The following IL10RB variants were observed in gnomAD, a reference collection of about 807,000 sequenced individuals.
IL10RB encodes the protein interleukin-10 receptor subunit beta.
Under a neutral mutation model 38.7 loss-of-function variants are expected in IL10RB, and 30 were observed. The observed-to-expected ratio is 0.78, with a 90% CI of 0.58 to 1.05. The LOEUF is 1.05. IL10RB is among the 50% of genes least tolerant of loss of function. The pLI, the probability that IL10RB is intolerant of heterozygous loss-of-function variation, is 0.00. For synonymous variants in IL10RB, 142 were observed against 145.9 expected, an observed-to-expected ratio of 0.97 and a Z score of 0.19; for missense variants, 328 against 397.1, an observed-to-expected ratio of 0.83 and a Z score of 1.48.
chr21:33,303,598 G>A (rs1465617817), intron 1 of IL10RB, among the ~76,000 whole-genome samples: 6 of 152,006 alleles, frequency 3.9e-5, no homozygotes, highest in East Asian at 1.9e-4. Context: ...CAAGTGATCC[G>A]GCCACCTTGG....
intron 1 of IL10RB, among the ~76,000 whole-genome samples, chr21:33,303,469 C>G (rs1416779725): frequency 6.6e-6 from 1 of 151,514 alleles, no homozygotes; most frequent in Non-Finnish European, 1.5e-5. Flanking sequence ...ATTCTCCTGC[C>G]TCAACCTCCC....
chr21:33,293,493 T>C (rs1989529305), intron 6 of IL10RB, among the ~76,000 whole-genome samples: 1 of 152,110 alleles, frequency 6.6e-6, no homozygotes, highest in South Asian at 2.1e-4. Context: ...CACAGGACCA[T>C]AGGCAAGTGT....
downstream of IL10RB, among the ~76,000 whole-genome samples, chr21:33,302,041 T>C (rs1470916261): frequency 6.6e-6 from 1 of 152,234 alleles, no homozygotes; most frequent in African/African-American, 2.4e-5. Flanking sequence ...ATTGTAATTC[T>C]CATCTTGCCA....
In IL10RB at chr21:33,289,275, CT is replaced by C. The variant is rs1243753198; in HGVS notation, c.804+1015del. Among the ~76,000 whole-genome samples the C allele has an allele frequency of 3.9e-5, 6 of 152,226 alleles. No individual in the cohort carries two copies. The East Asian group carries it at 1.2e-3, about 29-fold the overall frequency. ...ACCACAGCCTCCATTACAGTCACCC[CT>C]GGGACCACTTGGATCTACTGGAAGC... On this transcript the variant is annotated intron_variant, in intron 6 of 6. Coordinates refer to ENST00000290200, the MANE Select transcript of IL10RB (RefSeq NM_000628.5).
downstream of IL10RB, among the ~76,000 whole-genome samples, chr21:33,297,541 G>A (rs1288143803): frequency 6.6e-6 from 1 of 152,206 alleles, no homozygotes; most frequent in Non-Finnish European, 1.5e-5. Context: ...GGAGTCTCCA[G>A]GTACAATGGC....
chr21:33,268,238 A>C (rs1016833263), intron 1 of IL10RB, 156 bp from the exon 2 acceptor site: 1 of 1,535,624 alleles, frequency 6.5e-7, no homozygotes, highest in South Asian at 1.2e-5. Flanking sequence ...GAAAATCTAG[A>C]CTCCTCAGCA....
intron 4 of IL10RB, among the ~76,000 whole-genome samples, 167 bp from the exon 5 acceptor site, chr21:33,282,927 T>C (rs1329417754): frequency 6.6e-6 from 1 of 152,132 alleles, no homozygotes; most frequent in Non-Finnish European, 1.5e-5. Flanking sequence ...CAGTCCTTGA[T>C]GCACCCCCTG....
chr21:33,280,804 T>C (rs1383438819), intron 4 of IL10RB, among the ~76,000 whole-genome samples: 1 of 152,224 alleles, frequency 6.6e-6, no homozygotes. Flanking sequence ...GGATCACCCA[T>C]GTTTATTATC....
intron 2 of IL10RB, among the ~76,000 whole-genome samples, chr21:33,269,479 G>A (rs1166465686): frequency 1.3e-5 from 2 of 152,172 alleles, no homozygotes. Flanking sequence ...AAATCCCCAA[G>A]GCCTGCTACA....
chr21:33,297,832 A>C (rs2082974178), downstream of IL10RB, among the ~76,000 whole-genome samples: 1 of 148,714 alleles, frequency 6.7e-6, no homozygotes, highest in South Asian at 2.1e-4. Context: ...AAAGAAAGAA[A>C]GAAAGGAAAG....
intron 5 of IL10RB, among the ~76,000 whole-genome samples, chr21:33,285,066 T>C (rs1364821779): frequency 1.3e-5 from 2 of 152,072 alleles, no homozygotes; most frequent in African/African-American, 4.8e-5. Flanking sequence ...ATTTTTTTAT[T>C]TTTAGTAGAG....
At chr21:33,278,451 T>A (rs1355390293) in intron 3 of IL10RB, among the ~76,000 whole-genome samples, 2 of 152,238 alleles carry the variant, frequency 1.3e-5, no homozygotes, top group African/African-American at 4.8e-5. Context: ...AAAGGAAAGA[T>A]GAACAGAAAA....
chr21:33,301,259 C>T (rs1441038929), downstream of IL10RB, among the ~76,000 whole-genome samples: 2 of 152,128 alleles, frequency 1.3e-5, no homozygotes, highest in Non-Finnish European at 2.9e-5. Flanking sequence ...GATTTTTCTC[C>T]CTGAGTCAGG....
intron 6 of IL10RB, among the ~76,000 whole-genome samples, chr21:33,292,592 G>A (rs947028971): frequency 4.6e-5 from 7 of 152,092 alleles, no homozygotes; most frequent in Non-Finnish European, 8.8e-5. Context: ...ATCACCTCGC[G>A]TCCCTCGTCA....
chr21:33,273,559 T>A (rs1989118422), intron 2 of IL10RB, among the ~76,000 whole-genome samples: 2 of 152,330 alleles, frequency 1.3e-5, no homozygotes, highest in African/African-American at 4.8e-5. Flanking sequence ...GCAGTGACTG[T>A]GACAATTTCT....
chr21:33,293,918 G>A, intron 6 of IL10RB: 2 of 461,424 alleles, frequency 4.3e-6, no homozygotes, highest in African/African-American at 2.0e-5. Flanking sequence ...ATGAGGGTGG[G>A]CCCTTTGCTT....
At chr21:33,267,174 T>A (rs1988970407) in intron 1 of IL10RB, among the ~76,000 whole-genome samples, 1 of 152,064 alleles carries the variant, frequency 6.6e-6, no homozygotes, top group South Asian at 2.1e-4. Context: ...CATGAACTCT[T>A]CCCTGGCCTT....
At chr21:33,283,620 G>A (rs766315460) in intron 5 of IL10RB, among the ~76,000 whole-genome samples, 5 of 152,236 alleles carry the variant, frequency 3.3e-5, no homozygotes, top group South Asian at 2.1e-4. Flanking sequence ...CTCCCCAGGC[G>A]GCACATCTCC....
At chr21:33,285,823 A>C (rs553541260) in intron 5 of IL10RB, among the ~76,000 whole-genome samples, 25 of 152,320 alleles carry the variant, frequency 1.6e-4, no homozygotes, top group African/African-American at 6.0e-4. Flanking sequence ...TCAAATCCCA[A>C]GGAGACCTCA....
Sources: allele counts gnomAD v4.1 joint callset (sites outside exome capture counted in the v4.1 genomes callset), GRCh38; gene constraint gnomAD v4.1.1; transcripts MANE v1.5; gene names NCBI Gene and HGNC (gene_info 2026-07-23, HGNC 2026-07-21).